The following MGAT4C variants were observed in gnomAD, a reference collection of about 807,000 sequenced individuals.
The protein encoded by MGAT4C is MGAT4 family member C.
Under a neutral mutation model 40.1 loss-of-function variants are expected in MGAT4C, and 19 were observed. The observed-to-expected ratio is 0.47, with a 90% CI of 0.33 to 0.70. The LOEUF (loss-of-function observed/expected upper bound fraction) is 0.70, where lower values mean the gene tolerates loss of function less well. Ranked by LOEUF, MGAT4C falls within the 30% of genes least tolerant of loss-of-function variation. The pLI is 0.02. For synonymous variants in MGAT4C, 181 were observed against 187.1 expected, an observed-to-expected ratio of 0.97 and a Z score of 0.27; for missense variants, 491 against 563.2, an observed-to-expected ratio of 0.87 and a Z score of 1.30.
chr12:86,472,096 T>A (rs1001829885), intron 2 of MGAT4C, among the ~76,000 whole-genome samples: 1 of 152,146 alleles, frequency 6.6e-6, no homozygotes, highest in Non-Finnish European at 1.5e-5. Flanking sequence ...GTTAAGTTAA[T>A]GCTCTAATTT....
At chr12:86,797,573 G>A (rs1461620761) in intron 1 of MGAT4C, among the ~76,000 whole-genome samples, 7 of 151,812 alleles carry the variant, frequency 4.6e-5, no homozygotes, top group Non-Finnish European at 8.8e-5. Context: ...CAACCATGGA[G>A]ACCACAGGCA....
chr12:86,106,257 A>G (rs958831354), intron 1 of MGAT4C, among the ~76,000 whole-genome samples: 8 of 151,744 alleles, frequency 5.3e-5, no homozygotes, highest in African/African-American at 1.9e-4. Flanking sequence ...TTTTTCATTG[A>G]AAGCAGCACT....
chr12:85,981,733 G>A (rs958255427), intron 4 of MGAT4C, among the ~76,000 whole-genome samples: 2 of 152,108 alleles, frequency 1.3e-5, no homozygotes, highest in African/African-American at 2.4e-5. Flanking sequence ...ACTAAGTCAC[G>A]GTGAGATGAG....
chr12:86,036,954 C>T lies in MGAT4C; in HGVS notation c.-7+12720G>A, dbSNP rs1351134555. The stretch of plus-strand genomic sequence containing the variant: ...TTTTTTGGTTGGTAGGCTATTACTG[C>T]CTCAATTTCAGAACTTGTTATTGGT... On this transcript the variant is annotated intron_variant, in intron 2 of 4. Coordinates refer to ENST00000611864, the MANE Select transcript of MGAT4C (RefSeq NM_001351288.2). 3.3e-5 allele frequency among the ~76,000 whole-genome samples: 5 copies of T among 149,662 alleles called. No homozygotes were observed. In the East Asian group the frequency reaches 9.7e-4, roughly 29 times the overall value.
Position 86,682,513 on chromosome 12 carries a change from T to A in MGAT4C, c.-229+44696A>T, listed in dbSNP as rs1169537492. ...CCTTTGCATTGGTAGGTGGTATTAT[T>A]TGGCTATAGCTATGCATATCATAAT... On this transcript the variant is annotated intron_variant, in intron 2 of 7. Coordinates refer to the MGAT4C transcript ENST00000548651. Among the ~76,000 whole-genome samples the A allele has an allele frequency of 2.6e-5, 4 of 152,236 alleles. No individual in the cohort carries two copies. In the East Asian group the frequency reaches 5.8e-4, roughly 22 times the overall value.
chr12:86,414,851 T>C (rs1020371276), intron 3 of MGAT4C, among the ~76,000 whole-genome samples: 2 of 152,152 alleles, frequency 1.3e-5, no homozygotes, highest in East Asian at 1.9e-4. Flanking sequence ...AGCTATTTTA[T>C]GCTGCTGCAT....
intron 2 of MGAT4C, among the ~76,000 whole-genome samples, chr12:86,640,276 T>A (rs1285098566): frequency 6.6e-6 from 1 of 151,838 alleles, no homozygotes; most frequent in Non-Finnish European, 1.5e-5. Context: ...TATTCTCAAC[T>A]TAAATGCTAC....
intron 2 of MGAT4C, among the ~76,000 whole-genome samples, chr12:86,641,887 T>G (rs1963401455): frequency 6.6e-6 from 1 of 151,908 alleles, no homozygotes; most frequent in Non-Finnish European, 1.5e-5. Context: ...ACATGCCAAT[T>G]GTTCTATAAA....
At chr12:86,822,882 A>G (rs1952730768) in intron 1 of MGAT4C, among the ~76,000 whole-genome samples, 1 of 151,230 alleles carries the variant, frequency 6.6e-6, no homozygotes, top group South Asian at 2.1e-4. Flanking sequence ...GTGCACATAG[A>G]ATTTTTTTCA....
chr12:86,635,051 T>G (rs1385000143), intron 2 of MGAT4C, among the ~76,000 whole-genome samples: 3 of 152,114 alleles, frequency 2.0e-5, no homozygotes, highest in Non-Finnish European at 4.4e-5. Flanking sequence ...TTAGAAAAAT[T>G]TTCTAGTATC....
At chr12:86,507,228 T>G (rs1228889768) in intron 2 of MGAT4C, among the ~76,000 whole-genome samples, 1 of 152,112 alleles carries the variant, frequency 6.6e-6, no homozygotes, top group Non-Finnish European at 1.5e-5. Flanking sequence ...ACAGAAAAGA[T>G]TTTACTTCCG....
intron 3 of MGAT4C, among the ~76,000 whole-genome samples, chr12:86,434,096 A>G (rs1476272702): frequency 6.6e-6 from 1 of 152,036 alleles, no homozygotes; most frequent in Non-Finnish European, 1.5e-5. Context: ...AAACTCCTGA[A>G]AATGATTGTA....
chr12:86,286,139 G>A (rs7135177), intron 4 of MGAT4C, among the ~76,000 whole-genome samples: 99,304 of 151,802 alleles, frequency 0.65, 33,241 homozygotes, highest in South Asian at 0.78. Context: ...TCCTTTTCTT[G>A]TCCTTTAAAA....
At chr12:86,461,780 T>C (rs1957605774) in intron 2 of MGAT4C, among the ~76,000 whole-genome samples, 1 of 151,854 alleles carries the variant, frequency 6.6e-6, no homozygotes, top group South Asian at 2.1e-4. Context: ...AAAATGGGGG[T>C]GGTCAGAATT....
At chr12:86,778,499 C>T (rs1006268764) in intron 1 of MGAT4C, among the ~76,000 whole-genome samples, 1 of 152,096 alleles carries the variant, frequency 6.6e-6, no homozygotes, top group African/African-American at 2.4e-5. Flanking sequence ...AAAGAGGCAT[C>T]CACTATATTC....
chr12:86,345,285 A>T (rs138117571), intron 3 of MGAT4C, among the ~76,000 whole-genome samples: 1,682 of 151,112 alleles, frequency 0.011, 19 homozygotes, highest in East Asian at 0.046. Context: ...TATTTTTATT[A>T]TTATTATACT....
intron 2 of MGAT4C, among the ~76,000 whole-genome samples, chr12:86,505,944 C>A (rs1958466156): frequency 6.6e-6 from 1 of 152,056 alleles, no homozygotes; most frequent in African/African-American, 2.4e-5. Context: ...GGAAAGGCAA[C>A]AGGTCATACC....
intron 1 of MGAT4C, among the ~76,000 whole-genome samples, chr12:86,067,604 G>A (rs2137025112): frequency 6.6e-6 from 1 of 152,166 alleles, no homozygotes; most frequent in East Asian, 1.9e-4. Flanking sequence ...AATACCTAAT[G>A]TAGATGACGG....
At chr12:86,193,179 C>A (rs1889719003) in intron 1 of MGAT4C, among the ~76,000 whole-genome samples, 1 of 151,166 alleles carries the variant, frequency 6.6e-6, no homozygotes, top group South Asian at 2.1e-4. Flanking sequence ...GTTTCTATTT[C>A]TTTTGTTCCT....
Sources: allele counts gnomAD v4.1 joint callset (sites outside exome capture counted in the v4.1 genomes callset), GRCh38; gene constraint gnomAD v4.1.1; transcripts MANE v1.5; gene names NCBI Gene and HGNC (gene_info 2026-07-23, HGNC 2026-07-21).